The following INTS9 variants were observed in gnomAD, a reference collection of about 807,000 sequenced individuals.
The protein encoded by INTS9 is integrator complex subunit 9.
INTS9 carries 55 observed loss-of-function variants against 79.7 expected under a neutral mutation model. That is an observed-to-expected ratio of 0.69 (90% CI 0.56 to 0.86). The LOEUF is 0.86. INTS9 is among the 40% of genes least tolerant of loss of function. INTS9 has a pLI of 0.00. For synonymous variants in INTS9, 319 were observed against 325.2 expected, an observed-to-expected ratio of 0.98 and a Z score of 0.20; for missense variants, 721 against 831.5, an observed-to-expected ratio of 0.87 and a Z score of 1.64.
intron 14 of INTS9, among the ~76,000 whole-genome samples, chr8:28,773,519 T>C (rs566816345): frequency 5.6e-4 from 84 of 151,342 alleles, no homozygotes; most frequent in Admixed American, 1.9e-3. Context: ...TGACAGACCA[T>C]TATGCAACCA....
intron 1 of INTS9, among the ~76,000 whole-genome samples, chr8:28,876,301 T>A (rs1468800509): frequency 6.6e-6 from 1 of 152,206 alleles, no homozygotes; most frequent in Non-Finnish European, 1.5e-5. Context: ...ATGAGTCTGT[T>A]ATGCACCACC....
chr8:28,885,680 T>A (rs1383572045), intron 1 of INTS9, among the ~76,000 whole-genome samples: 1 of 152,220 alleles, frequency 6.6e-6, no homozygotes, highest in Non-Finnish European at 1.5e-5. Context: ...CTGGCCATGA[T>A]GTTTCAAACT....
At chr8:28,843,345 C>T (rs906910359) in intron 4 of INTS9, among the ~76,000 whole-genome samples, 13 of 152,212 alleles carry the variant, frequency 8.5e-5, no homozygotes, top group African/African-American at 3.1e-4. Context: ...ATAAATGTTT[C>T]TTGTGACATT....
At position 28,858,592 on chromosome 8, in the gene INTS9, T is replaced by C. The variant is rs148161440; in HGVS notation, c.137+844A>G. Among the ~76,000 whole-genome samples the C allele has an allele frequency of 3.8e-3, 586 of 152,338 alleles. 3 individuals carry two copies. The highest frequency in any genetic ancestry group is 0.013 in the African/African-American group (556 of 41,568). On this transcript the variant is annotated intron_variant, in intron 2 of 16. Coordinates refer to ENST00000521022, the MANE Select transcript of INTS9 (RefSeq NM_018250.4). Reference sequence around the variant, plus strand: ...CTGGAATTATCTCTGACTTTATCCTTACACCACCTTACTGTGCCCCTTATC... The same window carrying C: ...CTGGAATTATCTCTGACTTTATCCTCACACCACCTTACTGTGCCCCTTATC...
chr8:28,826,041 A>T (rs1435457794), intron 6 of INTS9, among the ~76,000 whole-genome samples: 1 of 152,224 alleles, frequency 6.6e-6, no homozygotes, highest in Non-Finnish European at 1.5e-5. Context: ...CTAGTAGCTG[A>T]CAGAAGAAAG....
chr8:28,855,540 T>C (rs1281565955), intron 2 of INTS9, among the ~76,000 whole-genome samples: 1 of 152,232 alleles, frequency 6.6e-6, no homozygotes, highest in African/African-American at 2.4e-5. Flanking sequence ...AAAGTCGTTA[T>C]ATGAAATAAT....
intron 1 of INTS9, among the ~76,000 whole-genome samples, chr8:28,882,494 TAAAAA>T (rs1169421320): frequency 0.02 from 803 of 39,578 alleles, 1 homozygote; most frequent in Middle Eastern, 0.045. Flanking sequence ...TAAAATAAAA[TAAAAA>T]AAAAAGAAAT....
At chr8:28,833,620 A>C (rs13257097) in intron 6 of INTS9, among the ~76,000 whole-genome samples, 27,694 of 149,234 alleles carry the variant, frequency 0.19, 2,578 homozygotes, top group East Asian at 0.45. Flanking sequence ...ACTCTGTCTC[A>C]AAAACAAAAA....
chr8:28,828,384 T>G (rs1221932875), intron 6 of INTS9, among the ~76,000 whole-genome samples: 1 of 152,240 alleles, frequency 6.6e-6, no homozygotes, highest in Non-Finnish European at 1.5e-5. Context: ...ACAAGGACAC[T>G]GGCATTTATT....
At chr8:28,783,007 C>T (rs1386687964) in intron 11 of INTS9, among the ~76,000 whole-genome samples, 20 of 151,942 alleles carry the variant, frequency 1.3e-4, no homozygotes, top group Admixed American at 1.3e-3. Flanking sequence ...ATTAGCTGGG[C>T]CTGGTGGCGG....
At chr8:28,828,794 G>A (rs1403724030) in intron 6 of INTS9, among the ~76,000 whole-genome samples, 3 of 152,046 alleles carry the variant, frequency 2.0e-5, no homozygotes, top group African/African-American at 2.4e-5. Flanking sequence ...CACCTCCCAG[G>A]TTCAAGCGAT....
chr8:28,867,248 C>CAG (rs2131322374), intron 1 of INTS9, among the ~76,000 whole-genome samples: 1 of 152,294 alleles, frequency 6.6e-6, no homozygotes, highest in Admixed American at 6.5e-5. Flanking sequence ...CATGGTAAAA[C>CAG]CCTGTCTCAA....
In INTS9 at chr8:28,772,802, G is replaced by A. The variant is rs562994465; in HGVS notation, c.1564-1722C>T. ...AGCCTGGGCAACACAGCGAGACTCC[G>A]TCTCAAAAAAAGAAAAAAAAAGACA... On this transcript the variant is annotated intron_variant, in intron 14 of 16. Coordinates refer to ENST00000521022, the MANE Select transcript of INTS9 (RefSeq NM_018250.4). Among the ~76,000 whole-genome samples the A allele has an allele frequency of 6.3e-5, 9 of 142,950 alleles. No homozygotes were observed. The South Asian group carries it at 1.6e-3, about 26-fold the overall frequency. The allele number at this position is 142,950 out of a possible 152,430, so 93.8% of individuals were successfully genotyped here. A position where few individuals can be genotyped will look rare whatever the true frequency, so the allele number is the denominator to read the frequency against.
chr8:28,862,059 C>T (rs1447678231), intron 1 of INTS9: 10 of 985,138 alleles, frequency 1.0e-5, no homozygotes, highest in African/African-American at 7.0e-5. Flanking sequence ...ACTGAGTGCA[C>T]GGGAGCACAG....
At chr8:28,838,958 G>A (rs1214890110) in intron 4 of INTS9, among the ~76,000 whole-genome samples, 1 of 152,188 alleles carries the variant, frequency 6.6e-6, no homozygotes, top group Non-Finnish European at 1.5e-5. Flanking sequence ...TTGAAGGAAT[G>A]CAGCTTTATT....
chr8:28,817,447 C>G (rs367567979), intron 6 of INTS9, among the ~76,000 whole-genome samples: 2 of 152,044 alleles, frequency 1.3e-5, no homozygotes, highest in South Asian at 4.1e-4. Flanking sequence ...TCAGGTTTGT[C>G]AAAGATCAGA....
chr8:28,794,097 G>T, intron 9 of INTS9, 110 bp from the exon 10 acceptor site: 1 of 867,568 alleles, frequency 1.2e-6, no homozygotes, highest in Non-Finnish European at 1.7e-6. Flanking sequence ...CTGTTTTTAT[G>T]ATTTACTTAC....
intron 1 of INTS9, among the ~76,000 whole-genome samples, chr8:28,880,218 A>G (rs1809629710): frequency 6.6e-6 from 1 of 151,282 alleles, no homozygotes; most frequent in Non-Finnish European, 1.5e-5. Flanking sequence ...AGAAAAATGT[A>G]GACATAGCTC....
chr8:28,793,655 C>CT (rs1804033827), intron 10 of INTS9, 152 bp downstream of exon 10: 2 of 732,024 alleles, frequency 2.7e-6, no homozygotes, highest in East Asian at 5.5e-5. Flanking sequence ...ACAGATTTGG[C>CT]TTTTAATAAT....
Sources: gnomAD v4.1 joint callset for allele counts (sites outside exome capture counted in the v4.1 genomes callset) on GRCh38, gnomAD v4.1.1 for gene constraint, MANE v1.5 for transcripts, NCBI Gene and HGNC (gene_info 2026-07-23, HGNC 2026-07-21) for gene names.